Variants in DNAH14 observed in about 807,000 individuals in gnomAD.
DNAH14 encodes dynein axonemal heavy chain 14, also known as axonemal beta dynein heavy chain 14.
A neutral mutation model predicts 520.9 loss-of-function variants in DNAH14; 478 were observed. That is an observed-to-expected ratio of 0.92 (90% confidence interval 0.85 to 0.99). The LOEUF is 0.99. Among genes scored for constraint, DNAH14 ranks in the 50% least tolerant of loss-of-function variants. The pLI is 0.00. For synonymous variants in DNAH14, 1,581 were observed against 1,757.2 expected, an observed-to-expected ratio of 0.90 and a Z score of 2.51; for missense variants, 4,831 against 5,234.5, an observed-to-expected ratio of 0.92 and a Z score of 2.38.
chr1:225,302,154 T>C (rs2094151266), intron 56 of DNAH14, among the ~76,000 whole-genome samples: 1 of 148,806 alleles, frequency 6.7e-6, no homozygotes, highest in Non-Finnish European at 1.5e-5. Flanking sequence ...ATATATATAA[T>C]GCTATGCTTC....
intron 49 of DNAH14, 109 bp downstream of exon 49, chr1:225,266,878 C>A: frequency 1.9e-6 from 2 of 1,075,064 alleles, no homozygotes; most frequent in Non-Finnish European, 2.5e-6. Flanking sequence ...AAATTCTGGC[C>A]ATATGGACAT....
chr1:225,274,894 T>A (rs2093427908), intron 52 of DNAH14, among the ~76,000 whole-genome samples: 1 of 152,204 alleles, frequency 6.6e-6, no homozygotes, highest in Non-Finnish European at 1.5e-5. Flanking sequence ...TTAAAAAAAA[T>A]AAAACTCTAA....
At chr1:225,288,227 A>G (rs1055200425) in intron 54 of DNAH14, among the ~76,000 whole-genome samples, 45 of 152,178 alleles carry the variant, frequency 3.0e-4, no homozygotes, top group Non-Finnish European at 1.8e-4. Context: ...ATGATAAATC[A>G]TGGTGAGTAT....
intron 23 of DNAH14, among the ~76,000 whole-genome samples, chr1:225,114,622 CA>C (rs2076728411): frequency 6.6e-6 from 1 of 152,142 alleles, no homozygotes; most frequent in African/African-American, 2.4e-5. Flanking sequence ...AACCCTAGAC[CA>C]CTTTAGCCCA....
At chr1:225,348,355 A>G (rs1359274258) in intron 71 of DNAH14, among the ~76,000 whole-genome samples, 1 of 152,184 alleles carries the variant, frequency 6.6e-6, no homozygotes, top group Non-Finnish European at 1.5e-5. Flanking sequence ...AGGAAAGAAA[A>G]AAACATACAG....
intron 55 of DNAH14, among the ~76,000 whole-genome samples, chr1:225,291,109 A>G (rs914408401): frequency 6.6e-6 from 1 of 151,984 alleles, no homozygotes; most frequent in South Asian, 2.1e-4. Flanking sequence ...TAACTTTTAT[A>G]TATGAGTGAG....
At chr1:225,031,860 T>C (rs74684502) in intron 11 of DNAH14, among the ~76,000 whole-genome samples, 1,670 of 152,174 alleles carry the variant, frequency 0.011, 17 homozygotes, top group Non-Finnish European at 0.016. Context: ...CCTTGTGTTG[T>C]TTCCTTTTGC....
chr1:225,008,388 T>G (rs1199839049), intron 10 of DNAH14, among the ~76,000 whole-genome samples: 1 of 152,158 alleles, frequency 6.6e-6, no homozygotes, highest in African/African-American at 2.4e-5. Flanking sequence ...TAAACATACG[T>G]GTGCATGAGT....
intron 36 of DNAH14, among the ~76,000 whole-genome samples, chr1:225,183,637 GT>G (rs1453198930): frequency 2.0e-5 from 3 of 150,410 alleles, no homozygotes; most frequent in African/African-American, 7.4e-5. Context: ...CCAAAAGTTG[GT>G]TTTTTGAAAG....
intron 10 of DNAH14, among the ~76,000 whole-genome samples, chr1:225,019,538 C>T (rs1282573525): frequency 1.3e-5 from 2 of 152,116 alleles, no homozygotes; most frequent in African/African-American, 4.8e-5. Context: ...CAAAACTATT[C>T]AGGACTTAAA....
intron 69 of DNAH14, among the ~76,000 whole-genome samples, chr1:225,343,071 T>C (rs2095225064): frequency 1.3e-5 from 2 of 152,182 alleles, no homozygotes; most frequent in African/African-American, 4.8e-5. Context: ...ACATTGTAGT[T>C]ACAAACTTTT....
intron 37 of DNAH14, 141 bp downstream of exon 37, chr1:225,185,566 G>A: frequency 4.6e-6 from 4 of 871,494 alleles, no homozygotes; most frequent in South Asian, 5.3e-5. Flanking sequence ...GAATCATAAT[G>A]AGTGGGATTT....
At chr1:224,974,275 A>G in intron 8 of DNAH14, 122 bp downstream of exon 8, 1 of 550,624 alleles carries the variant, frequency 1.8e-6, no homozygotes, top group Non-Finnish European at 2.9e-6. Flanking sequence ...CCATTGCTTT[A>G]CGATTAAACT....
chr1:225,056,966 A>C (rs1410555035), intron 17 of DNAH14, among the ~76,000 whole-genome samples: 3 of 152,158 alleles, frequency 2.0e-5, no homozygotes, highest in Admixed American at 2.0e-4. Context: ...AGGTAGCGTG[A>C]TGTGTCCAGC....
Position 225,207,053 on chromosome 1 carries a change from G to C in DNAH14, c.6272G>C (p.Cys2091Ser). 1.3e-6 allele frequency: 2 copies of C among 1,550,526 alleles called. No individual in the cohort carries two copies. Among genetic ancestry groups the C allele is most frequent in the Non-Finnish European group, 1.7e-6 (2 of 1,146,502 alleles). The change falls in exon 41 of 86, where the codon TGT becomes TCT. Residue 2091 changes from cysteine to serine, a missense_variant. Physicochemically the swap from Cys to Ser is moderately radical, Grantham distance 112. Coordinates refer to ENST00000682510, the MANE Select transcript of DNAH14 (RefSeq NM_001367479.1). The stretch of plus-strand genomic sequence containing the variant: ...ATTATAAGTCAATCAGGAGTGGATT[G>C]TCTTGAATTCATGATTAAAAATAGT... ...SKIISQSGVD[C>S]LEFMIKNSVT...
chr1:225,007,656 G>C (rs552444924), intron 10 of DNAH14, 112 bp downstream of exon 10: 2 of 905,330 alleles, frequency 2.2e-6, no homozygotes, highest in Non-Finnish European at 3.0e-6. Context: ...AAGGAACAAA[G>C]GTGGTTAATT....
intron 42 of DNAH14, among the ~76,000 whole-genome samples, chr1:225,235,474 T>C (rs549025404): frequency 5.9e-5 from 9 of 152,316 alleles, no homozygotes; most frequent in Admixed American, 3.3e-4. Context: ...TTTGCCCTGA[T>C]GTTCATTAGG....
intron 23 of DNAH14, among the ~76,000 whole-genome samples, chr1:225,114,329 C>T (rs953306198): frequency 2.0e-5 from 3 of 152,114 alleles, no homozygotes; most frequent in African/African-American, 7.2e-5. Flanking sequence ...GCCAGGTGCC[C>T]TATCCTACTA....
chr1:225,086,790 A>G (rs190349316), intron 21 of DNAH14, among the ~76,000 whole-genome samples: 1 of 152,274 alleles, frequency 6.6e-6, no homozygotes, highest in East Asian at 1.9e-4. Flanking sequence ...TTTAAAAGCA[A>G]CCATCAGAAT....
Sources: allele counts gnomAD v4.1 joint callset (sites outside exome capture counted in the v4.1 genomes callset), GRCh38; gene constraint gnomAD v4.1.1; transcripts MANE v1.5; gene names NCBI Gene and HGNC (gene_info 2026-07-23, HGNC 2026-07-21).